WDR25: variants seen among roughly 807,000 people sequenced by gnomAD.
WDR25 encodes WD repeat-containing protein 25.
A neutral mutation model predicts 47.7 loss-of-function variants in WDR25; 35 were observed. That is an observed-to-expected ratio of 0.73 (90% CI 0.56 to 0.97). The LOEUF (loss-of-function observed/expected upper bound fraction) is 0.97, where lower values mean the gene tolerates loss of function less well. Among genes scored for constraint, WDR25 ranks in the 50% least tolerant of loss-of-function variants. The pLI is 0.00. For missense variants in WDR25, 634 were observed against 704.7 expected (o/e 0.90, Z 1.14); for synonymous variants, 248 against 278.9 (o/e 0.89, Z 1.10).
At chr14:100,376,535 G>C (rs541712238) in intron 1 of WDR25, 40 bp downstream of exon 1, 10 of 1,231,926 alleles carry the variant, frequency 8.1e-6, no homozygotes, top group African/African-American at 3.1e-5. Flanking sequence ...TGGAGGGGCC[G>C]GGACTGGGCA....
chr14:100,509,798 G>GT (rs925889445), intron 4 of WDR25, among the ~76,000 whole-genome samples: 1 of 152,014 alleles, frequency 6.6e-6, no homozygotes, highest in Non-Finnish European at 1.5e-5. Context: ...TTTGTGTATG[G>GT]TACAGGTATG....
chr14:100,500,835 G>T lies in WDR25; in HGVS notation c.1101+16711G>T, dbSNP rs564045129. ...GAGCCTAGTTTTAATTTGTGCCTCCGCTATAAAGTAAGGGAAACCAATTTT... is the reference window on the plus strand; with the variant it reads ...GAGCCTAGTTTTAATTTGTGCCTCCTCTATAAAGTAAGGGAAACCAATTTT... On this transcript the variant is annotated intron_variant, in intron 4 of 6. Transcript: ENST00000402312. This position sits in a 1 kb window ranked among gnomAD's most constrained non-coding sequence, Gnocchi z 4.7. Among the ~76,000 whole-genome samples the T allele has an allele frequency of 1.3e-5, 2 of 152,300 alleles. No individual in the cohort carries two copies. The highest frequency in any genetic ancestry group is 2.1e-4 in the South Asian group (1 of 4,824).
chr14:100,382,345 C>T (rs960526297), intron 2 of WDR25, among the ~76,000 whole-genome samples: 1 of 152,102 alleles, frequency 6.6e-6, no homozygotes, highest in African/African-American at 2.4e-5. Context: ...GGAAGGTTCG[C>T]TTGGGGATGG....
At chr14:100,426,480 G>A (rs8017347) in intron 2 of WDR25, among the ~76,000 whole-genome samples, 2 of 152,206 alleles carry the variant, frequency 1.3e-5, no homozygotes, top group South Asian at 2.1e-4. Flanking sequence ...TCAGGCAGGC[G>A]TGCAGAGCTG....
At chr14:100,376,556 C>T (rs984905509) in intron 1 of WDR25, 61 bp downstream of exon 1, 51 of 1,231,746 alleles carry the variant, frequency 4.1e-5, no homozygotes, top group Non-Finnish European at 5.0e-5. Flanking sequence ...GCGCCTAAAG[C>T]GCCCCGTGCC....
intron 2 of WDR25, among the ~76,000 whole-genome samples, chr14:100,454,237 G>T (rs1899130321): frequency 6.6e-6 from 1 of 152,138 alleles, no homozygotes; most frequent in Non-Finnish European, 1.5e-5. Flanking sequence ...GGTGGTGGTG[G>T]TGTTCAGTGG....
At chr14:100,386,188 ATGCT>A (rs1897013620) in intron 2 of WDR25, among the ~76,000 whole-genome samples, 1 of 152,246 alleles carries the variant, frequency 6.6e-6, no homozygotes, top group African/African-American at 2.4e-5. Context: ...AATGTAATAG[ATGCT>A]TATTGTGAAA....
chr14:100,467,561 G>A (rs375939527), intron 2 of WDR25, among the ~76,000 whole-genome samples: 1 of 152,154 alleles, frequency 6.6e-6, no homozygotes, highest in South Asian at 2.1e-4. Flanking sequence ...TGGTGCAATC[G>A]TGATTCACTG....
At chr14:100,390,391 C>CTGTGTGTGTGTGTGTGTGTGTGTGTG (rs55802109) in intron 2 of WDR25, among the ~76,000 whole-genome samples, 3 of 146,614 alleles carry the variant, frequency 2.0e-5, no homozygotes, top group South Asian at 2.2e-4. Context: ...TGACCAAAAG[C>CTGTGTGTGTGTGTGTGTGTGTGTGTG]TGTGTGTGTG....
intron 3 of WDR25, among the ~76,000 whole-genome samples, chr14:100,479,174 T>A (rs1039841244): frequency 1.3e-5 from 2 of 152,160 alleles, no homozygotes; most frequent in East Asian, 3.9e-4. Flanking sequence ...CCCAGCCGCT[T>A]GGCTGAAGCG....
At chr14:100,406,238 A>G (rs1261599121) in intron 2 of WDR25, among the ~76,000 whole-genome samples, 1 of 152,054 alleles carries the variant, frequency 6.6e-6, no homozygotes, top group African/African-American at 2.4e-5. Context: ...GGCCCGTTGG[A>G]CTGTTGAATA....
At chr14:100,383,085 A>G (rs189716814) in intron 2 of WDR25, among the ~76,000 whole-genome samples, 131 of 152,334 alleles carry the variant, frequency 8.6e-4, no homozygotes, top group African/African-American at 3.1e-3. Context: ...AGCTCCAAGT[A>G]TAGAGATGTC....
chr14:100,388,497 C>T (rs573057559), intron 2 of WDR25, among the ~76,000 whole-genome samples: 26 of 152,170 alleles, frequency 1.7e-4, no homozygotes, highest in Non-Finnish European at 3.4e-4. Context: ...TGAATTACCC[C>T]AGGATTGGGA....
intron 2 of WDR25, among the ~76,000 whole-genome samples, chr14:100,427,852 CTGGCTCTCAG>C (rs1489895980): frequency 6.6e-6 from 1 of 152,222 alleles, no homozygotes. Flanking sequence ...CCCTGGCCTC[CTGGCTCTCAG>C]TGGCTCTCAG....
In WDR25 at chr14:100,499,267, TC is replaced by T. The variant is rs1900836724; in HGVS notation, c.1101+15146del. Among the ~76,000 whole-genome samples, 11 of 152,246 alleles carry T rather than the reference TC, an allele frequency of 7.2e-5. No individual in the cohort carries two copies. Among genetic ancestry groups the T allele is most frequent in the Admixed American group, 7.2e-4 (11 of 15,288 alleles). On this transcript the variant is annotated intron_variant, in intron 4 of 6. Transcript: ENST00000402312. This position sits in a 1 kb window ranked among gnomAD's most constrained non-coding sequence, Gnocchi z 4.4. ...AGCTTATTATAATATCATTAGAATT[TC>T]CCATATTGTTAAAAGGTTTTTGGAT... is the stretch of plus-strand genomic sequence containing the variant.
chr14:100,479,102 G>A (rs1225158872), intron 3 of WDR25, among the ~76,000 whole-genome samples: 3 of 152,012 alleles, frequency 2.0e-5, no homozygotes, highest in Admixed American at 6.5e-5. Context: ...AGTGGTATCC[G>A]TGTCCTCCTT....
rs560197910 is a variant in WDR25 at position 100,428,626 on chromosome 14, G to A, written c.823-39395G>A. Among the ~76,000 whole-genome samples the A allele has an allele frequency of 6.6e-5, 10 of 152,238 alleles. No homozygotes were observed. In the South Asian group the frequency reaches 1.2e-3, roughly 19 times the overall value. On this transcript the variant is annotated intron_variant, in intron 2 of 6. Coordinates refer to ENST00000402312, the MANE Select transcript of WDR25 (RefSeq NM_001161476.3). The surrounding 1 kb of genome is among the most constrained non-coding windows in gnomAD (Gnocchi z 4.3). The stretch of plus-strand genomic sequence containing the variant: ...AGGAGAGTACTGGGGCCTTGCCAGC[G>A]GAGCCCCCTCTTCCCTGGTCTTATC...
chr14:100,426,557 G>A (rs1030916355), intron 2 of WDR25, among the ~76,000 whole-genome samples: 5 of 152,212 alleles, frequency 3.3e-5, no homozygotes, highest in East Asian at 1.9e-4. Flanking sequence ...TGTTCTCCGC[G>A]TATTTTGCGC....
At chr14:100,451,851 G>A (rs527250113) in intron 2 of WDR25, among the ~76,000 whole-genome samples, 15 of 152,276 alleles carry the variant, frequency 9.9e-5, no homozygotes, top group African/African-American at 3.4e-4. Flanking sequence ...ATGACTAAAG[G>A]ATACTATACT....
Sources: allele counts gnomAD v4.1 joint callset (sites outside exome capture counted in the v4.1 genomes callset), GRCh38; gene constraint gnomAD v4.1.1; non-coding constraint Gnocchi (gnomAD v3.1); transcripts MANE v1.5; gene names NCBI Gene and HGNC (gene_info 2026-07-23, HGNC 2026-07-21).